Variants in CCSER1 observed in about 807,000 individuals in gnomAD.
CCSER1 encodes coiled-coil serine rich protein 1.
Under a neutral mutation model 82.0 loss-of-function variants are expected in CCSER1, and 41 were observed. The ratio of observed to expected loss-of-function variants is 0.50; its 90% CI spans 0.39 to 0.65. The LOEUF (loss-of-function observed/expected upper bound fraction) is 0.65. Among genes scored for constraint, CCSER1 ranks in the 30% least tolerant of loss-of-function variants. The probability of loss-of-function intolerance (pLI) is 0.00; values close to 1 mark genes in which losing one functional copy is unlikely to be tolerated. For synonymous variants in CCSER1, 414 were observed against 383.9 expected (o/e 1.08, Z -0.92); for missense variants, 1,119 against 1,064.2 (o/e 1.05, Z -0.72).
intron 9 of CCSER1, among the ~76,000 whole-genome samples, chr4:90,945,532 C>A (rs955916989): frequency 6.6e-6 from 1 of 152,148 alleles, no homozygotes; most frequent in Admixed American, 6.5e-5. Flanking sequence ...ATCAGAAATA[C>A]ATGACAATTC....
intron 10 of CCSER1, among the ~76,000 whole-genome samples, chr4:91,192,471 C>A (rs1735083755): frequency 1.3e-5 from 2 of 152,168 alleles, no homozygotes; most frequent in South Asian, 2.1e-4. Flanking sequence ...GTCCACCCTA[C>A]CTGCTCCACC....
chr4:90,413,807 C>G (rs536859036), intron 4 of CCSER1, among the ~76,000 whole-genome samples: 295 of 149,496 alleles, frequency 2.0e-3, no homozygotes, highest in South Asian at 8.4e-3. Context: ...AAATTAGCCG[C>G]GCGTAGTGGC....
At chr4:91,424,910 A>G (rs1273671757) in intron 10 of CCSER1, among the ~76,000 whole-genome samples, 3 of 152,238 alleles carry the variant, frequency 2.0e-5, no homozygotes, top group African/African-American at 7.2e-5. Flanking sequence ...TTAAGCTTTC[A>G]TACCATAGTT....
intron 6 of CCSER1, among the ~76,000 whole-genome samples, chr4:90,688,486 A>G (rs1050291372): frequency 6.6e-6 from 1 of 152,120 alleles, no homozygotes; most frequent in Non-Finnish European, 1.5e-5. Flanking sequence ...GGTTGTCACT[A>G]TATTATATAC....
chr4:90,230,263 C>A (rs1744188463), intron 1 of CCSER1, among the ~76,000 whole-genome samples: 1 of 152,088 alleles, frequency 6.6e-6, no homozygotes. Flanking sequence ...GAAATTATAA[C>A]AAACTGTCTC....
chr4:90,130,622 C>CT (rs929526965), intron 1 of CCSER1, among the ~76,000 whole-genome samples: 3 of 151,266 alleles, frequency 2.0e-5, no homozygotes, highest in Admixed American at 6.6e-5. Flanking sequence ...ACATTCTATT[C>CT]TTTTTTTTTG....
At chr4:90,493,741 G>A (rs1040590135) in intron 5 of CCSER1, among the ~76,000 whole-genome samples, 9 of 152,132 alleles carry the variant, frequency 5.9e-5, no homozygotes, top group Non-Finnish European at 1.2e-4. Context: ...CACCGCTCCT[G>A]CCCTAAAAGA....
At chr4:91,161,247 G>C (rs1305969305) in intron 10 of CCSER1, among the ~76,000 whole-genome samples, 1 of 152,048 alleles carries the variant, frequency 6.6e-6, no homozygotes, top group Non-Finnish European at 1.5e-5. Flanking sequence ...CCTCTGTTTA[G>C]TTGCATTGGT....
rs1774971754 is a variant in CCSER1, at chr4:90,534,122, C to A, written c.1724+65768C>A. Among the ~76,000 whole-genome samples the A allele has an allele frequency of 2.6e-5, 4 of 152,072 alleles. No homozygotes were observed. In the South Asian group the frequency reaches 8.3e-4, roughly 31 times the overall value. ...TAGGCACTTGGAACAGAAATATGTGCCAGCTCTTTTTGTTTGTTTGTTTTT... is the reference window on the plus strand; with the variant it reads ...TAGGCACTTGGAACAGAAATATGTGACAGCTCTTTTTGTTTGTTTGTTTTT... On this transcript the variant is annotated intron_variant, in intron 5 of 10. Transcript: ENST00000509176.
chr4:90,541,106 A>G (rs2153635811), intron 5 of CCSER1, among the ~76,000 whole-genome samples: 1 of 152,130 alleles, frequency 6.6e-6, no homozygotes, highest in Admixed American at 6.6e-5. Context: ...TACTTCTTTC[A>G]TCCTGGCCTG....
rs1742273004 is a variant in CCSER1 at position 90,222,172 on chromosome 4, G to T, written c.-41-86072G>T. ...TTAAAGACACAGGGTCCCGTATTTG[G>T]AGAGGAGCGTATTTAGAAGGGGTCT... On this transcript the variant is annotated intron_variant, in intron 1 of 10. Coordinates refer to ENST00000509176, the MANE Select transcript of CCSER1 (RefSeq NM_001145065.2). 2.6e-5 allele frequency among the ~76,000 whole-genome samples: 4 copies of T among 152,238 alleles called. No individual in the cohort carries two copies. In the South Asian group the frequency reaches 8.3e-4, roughly 32 times the overall value.
intron 10 of CCSER1, among the ~76,000 whole-genome samples, chr4:91,283,859 G>C (rs1280537241): frequency 6.6e-6 from 1 of 152,016 alleles, no homozygotes; most frequent in East Asian, 1.9e-4. Context: ...AATTATGTGA[G>C]TCTCTTAAAT....
chr4:90,767,450 T>C (rs1192359304), intron 7 of CCSER1, among the ~76,000 whole-genome samples: 1 of 152,202 alleles, frequency 6.6e-6, no homozygotes, highest in African/African-American at 2.4e-5. Flanking sequence ...TCTCACTAGA[T>C]ATCAATTGAA....
At chr4:91,532,215 A>G (rs753725264) in intron 10 of CCSER1, among the ~76,000 whole-genome samples, 12 of 152,186 alleles carry the variant, frequency 7.9e-5, no homozygotes, top group Non-Finnish European at 1.3e-4. Flanking sequence ...TTTTACCTGT[A>G]TTGGTAGATT....
At chr4:90,264,083 G>C (rs1560903399) in intron 1 of CCSER1, among the ~76,000 whole-genome samples, 1 of 152,144 alleles carries the variant, frequency 6.6e-6, no homozygotes, top group Non-Finnish European at 1.5e-5. Flanking sequence ...TAGTAAAGAG[G>C]ACCTCTTGTT....
At chr4:91,284,889 A>G (rs1027563962) in intron 10 of CCSER1, among the ~76,000 whole-genome samples, 1 of 152,120 alleles carries the variant, frequency 6.6e-6, no homozygotes, top group East Asian at 1.9e-4. Context: ...GAATCACTTC[A>G]ACAAAAAATG....
intron 9 of CCSER1, among the ~76,000 whole-genome samples, chr4:91,036,887 T>G (rs563688188): frequency 6.3e-4 from 96 of 151,988 alleles, no homozygotes; most frequent in Non-Finnish European, 1.2e-3. Flanking sequence ...GAGACCAGTC[T>G]GGCCAACATG....
rs374166665 is a variant in CCSER1 at position 90,683,616 on chromosome 4, G to T, written c.1933-40298G>T. On this transcript the variant is annotated intron_variant, in intron 6 of 10. Coordinates refer to ENST00000509176, the MANE Select transcript of CCSER1 (RefSeq NM_001145065.2). The stretch of plus-strand genomic sequence containing the variant: ...AAAATAGACAAGCTCTAATTAAATT[G>T]ATTTGGACCCAACATCTTTTTATTC... 3.3e-5 allele frequency among the ~76,000 whole-genome samples: 5 copies of T among 151,976 alleles called. No homozygotes were observed. In the East Asian group the frequency reaches 9.6e-4, roughly 29 times the overall value.
At chr4:90,737,218 C>G (rs1745804916) in intron 7 of CCSER1, among the ~76,000 whole-genome samples, 1 of 152,110 alleles carries the variant, frequency 6.6e-6, no homozygotes, top group Non-Finnish European at 1.5e-5. Context: ...TTTGTAACTT[C>G]AAGTGATTTC....
Sources: allele counts gnomAD v4.1 joint callset (sites outside exome capture counted in the v4.1 genomes callset), GRCh38; gene constraint gnomAD v4.1.1; transcripts MANE v1.5; gene names NCBI Gene and HGNC (gene_info 2026-07-23, HGNC 2026-07-21).